The following BORCS5 variants were observed in gnomAD, a reference collection of about 807,000 sequenced individuals.
BORCS5 encodes BLOC-1-related complex subunit 5.
In BORCS5, 17 loss-of-function variants were observed where a neutral mutation model predicts 22.1. The ratio of observed to expected loss-of-function variants is 0.77; its 90% CI spans 0.53 to 1.15. The LOEUF is 1.15. BORCS5 is among the 50% of genes most tolerant of loss of function. The probability of loss-of-function intolerance (pLI) is 0.00; values close to 1 mark genes in which losing one functional copy is unlikely to be tolerated. For missense variants in BORCS5, 247 were observed against 253.2 expected (o/e 0.98, Z 0.17); for synonymous variants, 117 against 99.8 (o/e 1.17, Z -1.03).
chr12:12,436,911 A>G lies in BORCS5; in HGVS notation c.360+1126A>G, dbSNP rs1176016806. 3.3e-5 allele frequency among the ~76,000 whole-genome samples: 5 copies of G among 152,214 alleles called. No individual in the cohort carries two copies. The East Asian group carries it at 9.6e-4, about 29-fold the overall frequency. ...TGCTTTTCATTGATGTGGCTTTGCAAATATTATAAACTTATTTTACTATAT... is the reference window on the plus strand; with the variant it reads ...TGCTTTTCATTGATGTGGCTTTGCAGATATTATAAACTTATTTTACTATAT... On this transcript the variant is annotated intron_variant, in intron 3 of 3. Coordinates refer to ENST00000314565, the MANE Select transcript of BORCS5 (RefSeq NM_058169.6).
At chr12:12,448,875 A>G (rs1942846430) in intron 3 of BORCS5, among the ~76,000 whole-genome samples, 1 of 152,148 alleles carries the variant, frequency 6.6e-6, no homozygotes, top group South Asian at 2.1e-4. Flanking sequence ...TCTCCTGCTC[A>G]TGCCCAATGT....
At chr12:12,450,440 C>T (rs1285269219) in intron 3 of BORCS5, among the ~76,000 whole-genome samples, 3 of 152,196 alleles carry the variant, frequency 2.0e-5, no homozygotes, top group Non-Finnish European at 2.9e-5. Context: ...TATCTGCTAA[C>T]AGTTTATTCC....
intron 2 of BORCS5, among the ~76,000 whole-genome samples, chr12:12,431,736 G>GT (rs1942433926): frequency 3.9e-5 from 2 of 51,094 alleles, no homozygotes; most frequent in South Asian, 7.0e-4. Context: ...TTCTTTTCTT[G>GT]TTTTTTTAGA....
chr12:12,448,537 T>C (rs981602923), intron 3 of BORCS5, among the ~76,000 whole-genome samples: 2 of 151,478 alleles, frequency 1.3e-5, no homozygotes, highest in Non-Finnish European at 2.9e-5. Flanking sequence ...CTTTTTTTTT[T>C]TTTTCTTTTT....
intron 3 of BORCS5, among the ~76,000 whole-genome samples, chr12:12,463,037 A>G (rs1214362655): frequency 2.0e-5 from 3 of 152,192 alleles, no homozygotes; most frequent in Admixed American, 1.3e-4. Flanking sequence ...GACAATTAGT[A>G]TATATGTTAT....
At chr12:12,450,939 C>T (rs1942896667) in intron 3 of BORCS5, among the ~76,000 whole-genome samples, 1 of 152,172 alleles carries the variant, frequency 6.6e-6, no homozygotes, top group Non-Finnish European at 1.5e-5. Context: ...TATTTTATTA[C>T]AATAATTAAA....
intron 2 of BORCS5, among the ~76,000 whole-genome samples, chr12:12,369,533 A>G (rs756282112): frequency 1.3e-5 from 2 of 151,514 alleles, no homozygotes; most frequent in Non-Finnish European, 2.9e-5. Context: ...TATGTATTCC[A>G]TTTTAGTTTC....
At chr12:12,435,957 GT>G in intron 3 of BORCS5, 172 bp downstream of exon 3, 1 of 591,016 alleles carries the variant, frequency 1.7e-6, no homozygotes, top group Non-Finnish European at 2.8e-6. Context: ...CTAATTTAGA[GT>G]TTGAATTCTG....
At chr12:12,456,016 A>C (rs968508882) in intron 3 of BORCS5, among the ~76,000 whole-genome samples, 5 of 152,188 alleles carry the variant, frequency 3.3e-5, no homozygotes, top group African/African-American at 1.2e-4. Context: ...TTAGAATTTA[A>C]AAGTTGTACA....
intron 2 of BORCS5, among the ~76,000 whole-genome samples, chr12:12,422,267 G>A (rs1011614807): frequency 1.3e-5 from 2 of 150,890 alleles, no homozygotes; most frequent in Non-Finnish European, 3.0e-5. Context: ...ATTTATACCA[G>A]CTTAGCTTTC....
At chr12:12,431,037 C>G (rs1942410115) in intron 2 of BORCS5, among the ~76,000 whole-genome samples, 1 of 152,142 alleles carries the variant, frequency 6.6e-6, no homozygotes, top group Admixed American at 6.5e-5. Flanking sequence ...AATGAATACT[C>G]TTGTATATAC....
In BORCS5 at chr12:12,408,142, C is replaced by CT. The variant is rs570587071; in HGVS notation, c.203-27480dup. Reference sequence around the variant, plus strand: ...CTAGCATGTACCAGAATTTCATTCTCTTTTTTAAGGCTGAATTCTATTATG... The same window carrying CT: ...CTAGCATGTACCAGAATTTCATTCTCTTTTTTTAAGGCTGAATTCTATTATG... On this transcript the variant is annotated intron_variant, in intron 2 of 3. Transcript: ENST00000314565. Among the ~76,000 whole-genome samples, 207 of 152,282 alleles carry CT rather than the reference C, an allele frequency of 1.4e-3. 1 individual carries two copies. The highest frequency in any genetic ancestry group is 4.7e-3 in the African/African-American group (196 of 41,570).
At chr12:12,413,482 A>G (rs1315594933) in intron 2 of BORCS5, among the ~76,000 whole-genome samples, 2 of 150,446 alleles carry the variant, frequency 1.3e-5, no homozygotes, top group Admixed American at 1.3e-4. Flanking sequence ...GTCTACCTCC[A>G]TCCACACAGA....
At chr12:12,372,830 G>T (rs925244255) in intron 2 of BORCS5, among the ~76,000 whole-genome samples, 42 of 152,110 alleles carry the variant, frequency 2.8e-4, no homozygotes, top group Non-Finnish European at 5.4e-4. Flanking sequence ...ATTTACAGAT[G>T]ATGTTTTCAG....
rs570542837 is a variant in BORCS5 at position 12,420,596 on chromosome 12, C to T, written c.203-15032C>T. On this transcript the variant is annotated intron_variant, in intron 2 of 3. Transcript: ENST00000314565. ...ATTCTGTGAAGAAAGTCATTGGTAG[C>T]TTAATGGGGATGGCATTGAATCTAT... Among the ~76,000 whole-genome samples, 3 of 152,284 alleles carry T rather than the reference C, an allele frequency of 2.0e-5. No individual in the cohort carries two copies. In the South Asian group the frequency reaches 6.2e-4, roughly 32 times the overall value.
At chr12:12,404,989 C>T (rs1941560741) in intron 2 of BORCS5, among the ~76,000 whole-genome samples, 1 of 152,196 alleles carries the variant, frequency 6.6e-6, no homozygotes, top group African/African-American at 2.4e-5. Context: ...GCATGAGCCA[C>T]CGCGCCCGGC....
rs533775561 is a variant in BORCS5, at chr12:12,448,402, G to A, written c.360+12617G>A. 2.0e-5 allele frequency among the ~76,000 whole-genome samples: 3 copies of A among 152,128 alleles called. No homozygotes were observed. The South Asian group carries it at 6.2e-4, about 32-fold the overall frequency. ...GGCTAATTTTTGTATTTTTAGTAGA[G>A]ATGAGTTTTAACAATGTTGGCCAGC... On this transcript the variant is annotated intron_variant, in intron 3 of 3. Coordinates refer to ENST00000314565, the MANE Select transcript of BORCS5 (RefSeq NM_058169.6).
At chr12:12,446,506 A>C (rs1281926065) in intron 3 of BORCS5, among the ~76,000 whole-genome samples, 1 of 152,080 alleles carries the variant, frequency 6.6e-6, no homozygotes, top group Admixed American at 6.5e-5. Context: ...TGTTTATCTG[A>C]ATGTTCTGAA....
At position 12,410,373 on chromosome 12, in the gene BORCS5, GTCTTTAATCCA is replaced by G. The variant is rs1386764693; in HGVS notation, c.203-25250_203-25240del. ...TTATGGTTTTAGGTCTAACATTGAA[GTCTTTAATCCA>G]TCTTGAATTAGTTTTTGTATAAGGT... On this transcript the variant is annotated intron_variant, in intron 2 of 3. Transcript: ENST00000314565. Among the ~76,000 whole-genome samples the G allele has an allele frequency of 2.5e-3, 377 of 152,336 alleles. 2 individuals carry two copies. Among genetic ancestry groups the G allele is most frequent in the African/African-American group, 8.7e-3 (362 of 41,562 alleles).
Sources: allele counts gnomAD v4.1 joint callset (sites outside exome capture counted in the v4.1 genomes callset), GRCh38; gene constraint gnomAD v4.1.1; transcripts MANE v1.5; gene names NCBI Gene and HGNC (gene_info 2026-07-23, HGNC 2026-07-21).